The following TGIF2 variants were observed in gnomAD, a reference collection of about 807,000 sequenced individuals.
TGIF2 encodes the protein TGFB induced factor homeobox 2, also known as homeobox protein TGIF2.
Under a neutral mutation model 15.1 loss-of-function variants are expected in TGIF2, and 5 were observed. The observed-to-expected ratio is 0.33, with a 90% CI of 0.17 to 0.70. The LOEUF (loss-of-function observed/expected upper bound fraction) is 0.70. Among genes scored for constraint, TGIF2 ranks in the 30% least tolerant of loss-of-function variants. TGIF2 has a pLI of 0.67. For missense variants in TGIF2, 264 were observed against 302.5 expected, an observed-to-expected ratio of 0.87 and a Z score of 0.94; for synonymous variants, 131 against 128.9, an observed-to-expected ratio of 1.02 and a Z score of -0.11.
intron 1 of TGIF2, 136 bp from the exon 2 acceptor site, chr20:36,578,605 G>GT (rs1388017361): frequency 7.0e-6 from 7 of 998,734 alleles, no homozygotes; most frequent in Middle Eastern, 3.3e-4. Context: ...CTCGGTCTGT[G>GT]TTACGGCCTG....
intron 1 of TGIF2, among the ~76,000 whole-genome samples, chr20:36,577,170 C>CT (rs1281220384): frequency 6.6e-6 from 1 of 151,944 alleles, no homozygotes; most frequent in African/African-American, 2.4e-5. Flanking sequence ...CACCATCACA[C>CT]TGGGCTAATT....
At chr20:36,590,508 C>T (rs1429718194) in intron 2 of TGIF2, among the ~76,000 whole-genome samples, 1 of 152,156 alleles carries the variant, frequency 6.6e-6, no homozygotes, top group Non-Finnish European at 1.5e-5. Context: ...CACTATGAAC[C>T]TCTGTGTTTT....
rs1471516361 is a variant in TGIF2 at position 36,592,492 on chromosome 20, A to C, written c.*1061A>C. 1 of 152,132 alleles carries C rather than the reference A, an allele frequency of 6.6e-6. No homozygotes were observed. Among genetic ancestry groups the C allele is most frequent in the African/African-American group, 2.4e-5 (1 of 41,220 alleles). The allele number at this position is 152,132 out of a possible 1,614,324, so 9.4% of individuals were successfully genotyped here. On this transcript the variant is annotated 3_prime_UTR_variant, in exon 3 of 3. Transcript: ENST00000373872. ...TTAGCAACTTGGATTAGAGGGGCCC[A>C]TATGTCAGAAGCTCCCAGCACCTCC...
rs2038486290 is a variant in TGIF2 at position 36,578,865 on chromosome 20, A to G, written c.91A>G (p.Lys31Glu). The change falls in exon 2 of 3, where the codon AAG becomes GAG. Residue 31 changes from lysine (K) to glutamate (E), a missense_variant. Coordinates refer to ENST00000373872, the MANE Select transcript of TGIF2 (RefSeq NM_021809.7). ...RRGNLPKESV[K>E]ILRDWLYLHR... is the part of the protein sequence containing the mutation. ...GGGGAACCTGCCCAAGGAGTCGGTG[A>G]AGATCCTCCGGGACTGGCTGTACTT... 4 of 1,614,038 alleles carry G rather than the reference A, an allele frequency of 2.5e-6. No homozygotes were observed. The highest frequency in any genetic ancestry group is 3.4e-6 in the Non-Finnish European group (4 of 1,180,024).
intron 1 of TGIF2, among the ~76,000 whole-genome samples, chr20:36,576,348 A>G (rs1031144138): frequency 7.9e-5 from 12 of 152,192 alleles, no homozygotes; most frequent in African/African-American, 2.9e-4. Flanking sequence ...GGCCTGACAA[A>G]GGAGAATGTC....
At position 36,591,410 on chromosome 20, in the gene TGIF2, A is replaced by G; in HGVS notation, c.693A>G (p.Leu231=). The change falls in exon 3 of 3, where the codon TTA becomes TTG. Residue 231 remains leucine, a synonymous_variant. Coordinates refer to ENST00000373872, the MANE Select transcript of TGIF2 (RefSeq NM_021809.7). The surrounding 1 kb of genome is among the most constrained non-coding windows in gnomAD (Gnocchi z 5.3). ...SLPLLHTPIP[L]VSENPQ ...CATTACTGCACACTCCCATCCCTTT[A>G]GTCTCTGAAAATCCCCAGTAGGCAT... 1 of 1,608,194 alleles carries G rather than the reference A, an allele frequency of 6.2e-7. No homozygotes were observed.
intron 2 of TGIF2, among the ~76,000 whole-genome samples, chr20:36,589,180 T>G (rs942258417): frequency 6.6e-6 from 1 of 152,166 alleles, no homozygotes; most frequent in Non-Finnish European, 1.5e-5. Flanking sequence ...CTTGTTTCTG[T>G]TGGGGGCTTG....
At chr20:36,573,998 G>A (rs1349160519) in intron 1 of TGIF2, among the ~76,000 whole-genome samples, 1 of 151,560 alleles carries the variant, frequency 6.6e-6, no homozygotes, top group African/African-American at 2.4e-5. Flanking sequence ...GGCCCTGGTG[G>A]GGGGCCCAGC....
chr20:36,579,446 C>T (rs1159426708), intron 2 of TGIF2, among the ~76,000 whole-genome samples: 1 of 152,238 alleles, frequency 6.6e-6, no homozygotes, highest in African/African-American at 2.4e-5. Flanking sequence ...GCTGGGATTA[C>T]AGGCGTGAGC....
chr20:36,581,681 T>A (rs1328346104), intron 2 of TGIF2, among the ~76,000 whole-genome samples: 1 of 152,156 alleles, frequency 6.6e-6, no homozygotes, highest in Non-Finnish European at 1.5e-5. Context: ...AGGCTGGAAG[T>A]GCAGTGGTGC....
intron 2 of TGIF2, among the ~76,000 whole-genome samples, chr20:36,579,925 A>G (rs983711372): frequency 6.6e-6 from 1 of 152,110 alleles, no homozygotes; most frequent in African/African-American, 2.4e-5. Context: ...AATCGCGCCT[A>G]TTGCTGACCC....
At chr20:36,576,080 A>C (rs1220896633) in intron 1 of TGIF2, among the ~76,000 whole-genome samples, 2 of 151,792 alleles carry the variant, frequency 1.3e-5, no homozygotes, top group Admixed American at 1.3e-4. Flanking sequence ...CTACAGAGCG[A>C]GACTCCATCT....
chr20:36,581,794 A>G (rs2038551356), intron 2 of TGIF2, among the ~76,000 whole-genome samples: 1 of 151,908 alleles, frequency 6.6e-6, no homozygotes, highest in Non-Finnish European at 1.5e-5. Flanking sequence ...ACGCCCAGCT[A>G]ATTTTTGTAT....
At chr20:36,576,428 A>G (rs1222876994) in intron 1 of TGIF2, among the ~76,000 whole-genome samples, 1 of 152,116 alleles carries the variant, frequency 6.6e-6, no homozygotes, top group African/African-American at 2.4e-5. Context: ...CTCCTTAAAT[A>G]TTACTTGGAC....
intron 2 of TGIF2, among the ~76,000 whole-genome samples, chr20:36,583,986 G>T (rs2038600020): frequency 1.3e-5 from 2 of 152,146 alleles, no homozygotes; most frequent in Admixed American, 1.3e-4. Context: ...AGAATTGCTT[G>T]AACTCGGGAG....
chr20:36,584,547 A>T (rs62206109), intron 2 of TGIF2, among the ~76,000 whole-genome samples: 78 of 151,290 alleles, frequency 5.2e-4, no homozygotes, highest in Middle Eastern at 6.8e-3. Flanking sequence ...TGTATTTATT[A>T]ATTAATTTTT....
chr20:36,583,358 T>C (rs376238065), intron 2 of TGIF2, among the ~76,000 whole-genome samples: 1 of 149,360 alleles, frequency 6.7e-6, no homozygotes, highest in Admixed American at 6.7e-5. Flanking sequence ...TTTGGGAGGC[T>C]AGGATGGGAG....
chr20:36,584,124 G>A (rs969178074), intron 2 of TGIF2, among the ~76,000 whole-genome samples: 7 of 151,944 alleles, frequency 4.6e-5, no homozygotes, highest in African/African-American at 7.3e-5. Flanking sequence ...TCACCGGCCC[G>A]TGTCTACATC....
At position 36,592,379 on chromosome 20, in the gene TGIF2, C is replaced by T. The variant is rs2038783133; in HGVS notation, c.*948C>T. Reference sequence around the variant, plus strand: ...GTGGGGGAAGTAAACTAGACTGAAGCGATGGATTTTTTTTTTCTTTTTTTT... The same window carrying T: ...GTGGGGGAAGTAAACTAGACTGAAGTGATGGATTTTTTTTTTCTTTTTTTT... On this transcript the variant is annotated 3_prime_UTR_variant, in exon 3 of 3. Transcript: ENST00000373872. 1 of 151,796 alleles carries T rather than the reference C, an allele frequency of 6.6e-6. No homozygotes were observed. The highest frequency in any genetic ancestry group is 1.5e-5 in the Non-Finnish European group (1 of 67,996). The allele number at this position is 151,796 out of a possible 1,614,324, so 9.4% of individuals were successfully genotyped here. A position where few individuals can be genotyped will look rare whatever the true frequency, so the allele number is the denominator to read the frequency against.
Sources: allele counts gnomAD v4.1 joint callset (sites outside exome capture counted in the v4.1 genomes callset), GRCh38; gene constraint gnomAD v4.1.1; non-coding constraint Gnocchi (gnomAD v3.1); transcripts MANE v1.5; gene names NCBI Gene and HGNC (gene_info 2026-07-23, HGNC 2026-07-21).